OIP5: variants seen among roughly 807,000 people sequenced by gnomAD.
The protein encoded by OIP5 is Opa interacting protein 5.
A neutral mutation model predicts 20.3 loss-of-function variants in OIP5; 24 were observed. That is an observed-to-expected ratio of 1.18 (90% CI 0.86 to 1.66). The LOEUF (loss-of-function observed/expected upper bound fraction) is 1.66, where lower values mean the gene tolerates loss of function less well. Ranked by LOEUF, OIP5 falls within the 40% of genes most tolerant of loss-of-function variation. The probability of loss-of-function intolerance (pLI) is 0.00; values close to 1 mark genes in which losing one functional copy is unlikely to be tolerated. For missense variants in OIP5, 339 were observed against 289.5 expected (o/e 1.17, Z -1.24); for synonymous variants, 143 against 121.3 (o/e 1.18, Z -1.17).
intron 3 of OIP5, among the ~76,000 whole-genome samples, chr15:41,317,755 T>A (rs1439400250): frequency 1.3e-5 from 2 of 152,154 alleles, no homozygotes; most frequent in African/African-American, 2.4e-5. Context: ...CATAGCTCAC[T>A]GTAACCTTGA....
intron 2 of OIP5, among the ~76,000 whole-genome samples, chr15:41,330,319 G>C (rs1020869888): frequency 2.0e-5 from 3 of 151,284 alleles, no homozygotes; most frequent in African/African-American, 4.9e-5. Context: ...GGCTGGTCTC[G>C]AACTCCCGAC....
At chr15:41,328,878 T>C (rs368429021) in intron 2 of OIP5, among the ~76,000 whole-genome samples, 86 of 151,784 alleles carry the variant, frequency 5.7e-4, no homozygotes, top group African/African-American at 1.8e-3. Flanking sequence ...GCCAACATGG[T>C]GAAACCCCGT....
rs568464492 is a variant in OIP5 at position 41,332,537 on chromosome 15, G to C, written c.25C>G (p.Arg9Gly). Residue 9 changes from arginine (R) to glycine (G), a missense_variant, in exon 1 of 5, where the codon CGC becomes GGC. By Grantham distance (125) the Arg-to-Gly change is moderately radical. Transcript: ENST00000220514. MAAQPLRHRSRCATPPRGD... is the reference protein window; with the variant it reads MAAQPLRHGSRCATPPRGD... ...CGGGGCGGCGTTGCACAACGTGAGC[G>C]ATGCCGCAGCGGCTGAGCCGCCATC... is the stretch of plus-strand genomic sequence containing the variant. The C allele has an allele frequency of 2.5e-6, 4 of 1,609,110 alleles. No individual in the cohort carries two copies. The highest frequency in any genetic ancestry group is 3.4e-6 in the Non-Finnish European group (4 of 1,177,834).
At chr15:41,320,677 G>T (rs868420537) in intron 2 of OIP5, among the ~76,000 whole-genome samples, 1 of 152,146 alleles carries the variant, frequency 6.6e-6, no homozygotes. Flanking sequence ...CCAAAGTGCC[G>T]AGATTACAGC....
intron 2 of OIP5, among the ~76,000 whole-genome samples, chr15:41,327,571 C>T (rs539512277): frequency 1.7e-4 from 26 of 148,652 alleles, no homozygotes; most frequent in African/African-American, 6.8e-4. Flanking sequence ...GGGAGGATCA[C>T]GAAGTCAGGA....
At chr15:41,324,925 T>G (rs927083699) in intron 2 of OIP5, among the ~76,000 whole-genome samples, 1 of 152,132 alleles carries the variant, frequency 6.6e-6, no homozygotes, top group Non-Finnish European at 1.5e-5. Flanking sequence ...AAGGCCATTG[T>G]TGGGTTATTA....
chr15:41,316,565 G>A (rs570393131), intron 3 of OIP5, among the ~76,000 whole-genome samples: 2 of 152,044 alleles, frequency 1.3e-5, no homozygotes, highest in South Asian at 2.1e-4. Flanking sequence ...CAAGGCGGGC[G>A]GATCACGAGG....
At position 41,332,543 on chromosome 15, in the gene OIP5, G is replaced by T; in HGVS notation, c.19C>A (p.Arg7=). The change falls in exon 1 of 5, where the codon CGG becomes AGG. Residue 7 remains arginine, a synonymous_variant. Transcript: ENST00000220514. ...GGCGTTGCACAACGTGAGCGATGCC[G>T]CAGCGGCTGAGCCGCCATCTTCCCG... The part of the protein sequence containing the change: MAAQPL[R]HRSRCATPPR... The T allele has an allele frequency of 1.2e-6, 2 of 1,605,390 alleles. No homozygotes were observed. The highest frequency in any genetic ancestry group is 1.4e-5 in the African/African-American group (1 of 73,894).
At chr15:41,319,828 A>C in intron 2 of OIP5, 48 bp from the exon 3 acceptor site, 1 of 1,502,496 alleles carries the variant, frequency 6.7e-7, no homozygotes, top group Non-Finnish European at 9.0e-7. Context: ...AAAATCATAT[A>C]AGAAATAAAA....
intron 4 of OIP5, among the ~76,000 whole-genome samples, chr15:41,312,822 G>C (rs1311828284): frequency 1.3e-5 from 2 of 151,526 alleles, no homozygotes; most frequent in Non-Finnish European, 2.9e-5. Context: ...TAGAGATGGG[G>C]TTTCACTGTG....
chr15:41,311,684 C>T (rs1233095951), intron 4 of OIP5, among the ~76,000 whole-genome samples: 2 of 152,062 alleles, frequency 1.3e-5, no homozygotes, highest in Non-Finnish European at 2.9e-5. Flanking sequence ...TCTCCTGCTT[C>T]AGCCTCCTGA....
Position 41,309,703 on chromosome 15 carries a change from G to A in OIP5, c.*51C>T. The A allele has an allele frequency of 8.3e-7, 1 of 1,204,294 alleles. No individual in the cohort carries two copies. The highest frequency in any genetic ancestry group is 1.2e-6 in the Non-Finnish European group (1 of 821,654). The allele number at this position is 1,204,294 out of a possible 1,614,324, so 74.6% of individuals were successfully genotyped here. A position where few individuals can be genotyped will look rare whatever the true frequency, so the allele number is the denominator to read the frequency against. The stretch of plus-strand genomic sequence containing the variant: ...AAGAAATGACTAAGCAGCACCTGTT[G>A]TTGAAGACAGCAATAAAGCCTGAAC... On this transcript the variant is annotated 3_prime_UTR_variant, in exon 5 of 5. Coordinates refer to ENST00000220514, the MANE Select transcript of OIP5 (RefSeq NM_007280.2).
At chr15:41,324,334 C>T (rs528426030) in intron 2 of OIP5, among the ~76,000 whole-genome samples, 2 of 152,088 alleles carry the variant, frequency 1.3e-5, no homozygotes, top group African/African-American at 4.8e-5. Context: ...GCTTCCTCAC[C>T]TCTCAGCCTT....
rs781409805 is a variant in OIP5 at position 41,313,367 on chromosome 15, A to G, written c.513-13T>C. ...TTTTAAGAGATAGCTAGATAGGAAA[A>G]AAGAAAAATATTAGTGTCATACCAT... On this transcript the variant is annotated splice_polypyrimidine_tract_variant and intron_variant, in intron 3 of 4. Coordinates refer to ENST00000220514, the MANE Select transcript of OIP5 (RefSeq NM_007280.2). 1 of 1,418,250 alleles carries G rather than the reference A, an allele frequency of 7.1e-7. No individual in the cohort carries two copies. The highest frequency in any genetic ancestry group is 1.4e-5 in the African/African-American group (1 of 71,070). 87.9% of individuals were successfully genotyped at this position (1,418,250 alleles called of 1,614,324 possible). A position where few individuals can be genotyped will look rare whatever the true frequency, so the allele number is the denominator to read the frequency against.
chr15:41,327,983 C>T (rs1271969141), intron 2 of OIP5, among the ~76,000 whole-genome samples: 1 of 151,946 alleles, frequency 6.6e-6, no homozygotes, highest in Admixed American at 6.6e-5. Flanking sequence ...GCCTTATAGT[C>T]CTAGCTACTT....
chr15:41,317,548 T>A (rs1298296796), intron 3 of OIP5, among the ~76,000 whole-genome samples: 2 of 151,508 alleles, frequency 1.3e-5, no homozygotes, highest in Admixed American at 6.6e-5. Flanking sequence ...CCCAGCTAAT[T>A]TTTTTTGTAT....
chr15:41,313,973 A>C (rs1285494393), intron 3 of OIP5, among the ~76,000 whole-genome samples: 1 of 152,190 alleles, frequency 6.6e-6, no homozygotes, highest in East Asian at 1.9e-4. Flanking sequence ...AAAGACAAAA[A>C]CCAGGCTCAT....
intron 2 of OIP5, among the ~76,000 whole-genome samples, chr15:41,326,999 CAA>C (rs1008045662): frequency 3.4e-5 from 5 of 149,140 alleles, no homozygotes; most frequent in African/African-American, 1.2e-4. Flanking sequence ...TGTGAATCTA[CAA>C]GACAACAGGA....
chr15:41,318,111 G>A (rs1360220231), intron 3 of OIP5, among the ~76,000 whole-genome samples: 2 of 152,094 alleles, frequency 1.3e-5, no homozygotes, highest in Non-Finnish European at 2.9e-5. Flanking sequence ...GGTATCTACT[G>A]CAACATTATT....
Sources: allele counts gnomAD v4.1 joint callset (sites outside exome capture counted in the v4.1 genomes callset), GRCh38; gene constraint gnomAD v4.1.1; transcripts MANE v1.5; gene names NCBI Gene and HGNC (gene_info 2026-07-23, HGNC 2026-07-21).